Variants in EYA2 observed in about 807,000 individuals in gnomAD.
EYA2 encodes the protein EYA transcriptional coactivator and phosphatase 2.
In EYA2, 31 loss-of-function variants were observed where a neutral mutation model predicts 69.2. The ratio of observed to expected loss-of-function variants is 0.45; its 90% confidence interval spans 0.34 to 0.60. The LOEUF (loss-of-function observed/expected upper bound fraction) is 0.60, where lower values mean the gene tolerates loss of function less well. Ranked by LOEUF, EYA2 falls within the 20% of genes least tolerant of loss-of-function variation. The pLI is 0.02. For synonymous variants in EYA2, 257 were observed against 279.4 expected (o/e 0.92, Z 0.80); for missense variants, 622 against 701.2 (o/e 0.89, Z 1.28).
At chr20:47,117,072 G>A (rs1208070747) in intron 9 of EYA2, among the ~76,000 whole-genome samples, 1 of 149,590 alleles carries the variant, frequency 6.7e-6, no homozygotes, top group African/African-American at 2.5e-5. Context: ...TGGTGTAGTG[G>A]TGCGATCTCG....
chr20:46,968,974 G>C (rs1979961748), intron 1 of EYA2, among the ~76,000 whole-genome samples: 1 of 152,202 alleles, frequency 6.6e-6, no homozygotes, highest in African/African-American at 2.4e-5. Context: ...ATGGAAAGCA[G>C]CTAACAGTGC....
At chr20:46,902,761 G>A (rs954615492) in intron 1 of EYA2, among the ~76,000 whole-genome samples, 3 of 152,278 alleles carry the variant, frequency 2.0e-5, no homozygotes, top group Admixed American at 2.0e-4. Flanking sequence ...TTTCAAGCTG[G>A]ACCTATGGAA....
intron 8 of EYA2, among the ~76,000 whole-genome samples, chr20:47,094,774 A>G (rs538183554): frequency 3.3e-5 from 5 of 152,382 alleles, no homozygotes; most frequent in Admixed American, 6.5e-5. Context: ...GTGGCTCACC[A>G]TGCCAGCACT....
At chr20:47,148,491 T>A (rs2033754552) in intron 10 of EYA2, among the ~76,000 whole-genome samples, 1 of 152,172 alleles carries the variant, frequency 6.6e-6, no homozygotes, top group African/African-American at 2.4e-5. Flanking sequence ...AAACTATAAC[T>A]AGCTTGCCGA....
intron 5 of EYA2, among the ~76,000 whole-genome samples, chr20:47,031,548 G>C (rs1984417516): frequency 6.6e-6 from 1 of 152,204 alleles, no homozygotes; most frequent in African/African-American, 2.4e-5. Context: ...AAGTGTACCT[G>C]TGACAATGCC....
intron 9 of EYA2, among the ~76,000 whole-genome samples, chr20:47,135,818 C>CGAAAAAAAAAAAA (rs2033449844): frequency 3.0e-5 from 1 of 33,264 alleles, no homozygotes; most frequent in Non-Finnish European, 5.5e-5. Flanking sequence ...CCTGTCTCTA[C>CGAAAAAAAAAAAA]AAAAAAAAAA....
chr20:46,914,146 G>A (rs192782011), intron 1 of EYA2, among the ~76,000 whole-genome samples: 7 of 152,294 alleles, frequency 4.6e-5, no homozygotes, highest in East Asian at 1.9e-4. Context: ...GCTGTCCAGC[G>A]GTTAACGCTG....
chr20:47,037,842 A>T (rs1984808978), intron 5 of EYA2, among the ~76,000 whole-genome samples: 1 of 151,946 alleles, frequency 6.6e-6, no homozygotes, highest in Non-Finnish European at 1.5e-5. Flanking sequence ...TCCATCTGAA[A>T]CCCTAATTTC....
At chr20:47,018,595 T>TGGGCC (rs1039945285) in intron 5 of EYA2, among the ~76,000 whole-genome samples, 10 of 152,306 alleles carry the variant, frequency 6.6e-5, no homozygotes, top group African/African-American at 2.2e-4. Flanking sequence ...GGGCCAGAGC[T>TGGGCC]GGGCCGGGCC....
At chr20:47,065,450 T>C (rs960203740) in intron 5 of EYA2, among the ~76,000 whole-genome samples, 1 of 151,782 alleles carries the variant, frequency 6.6e-6, no homozygotes, top group Non-Finnish European at 1.5e-5. Flanking sequence ...AAAACAGATA[T>C]ACAGTCTAAC....
chr20:47,077,436 GTCT>G lies in EYA2; in HGVS notation c.661+3106_661+3108del, dbSNP rs541437891. On this transcript the variant is annotated intron_variant, in intron 7 of 15. Transcript: ENST00000327619. ...AGATATCACTGAGTTTCGTTCCTTT[GTCT>G]TCTTTTCTGAAACCTACTGATGCTG... is the stretch of plus-strand genomic sequence containing the variant. Among the ~76,000 whole-genome samples the G allele has an allele frequency of 1.1e-3, 171 of 152,284 alleles. 2 individuals are homozygous for G. The highest frequency in any genetic ancestry group is 4.1e-3 in the African/African-American group (170 of 41,552).
chr20:47,061,372 C>G (rs2030877138), intron 5 of EYA2, among the ~76,000 whole-genome samples: 1 of 152,022 alleles, frequency 6.6e-6, no homozygotes, highest in Admixed American at 6.6e-5. Context: ...ACAGAAAATA[C>G]AAGAAAACAT....
At chr20:47,183,609 G>A (rs1415201739) in intron 15 of EYA2, among the ~76,000 whole-genome samples, 1 of 152,122 alleles carries the variant, frequency 6.6e-6, no homozygotes. Context: ...TGCTGCCCCT[G>A]GTAGCCCTGG....
chr20:47,111,727 T>A (rs1005597670), intron 9 of EYA2, among the ~76,000 whole-genome samples: 3 of 152,092 alleles, frequency 2.0e-5, no homozygotes, highest in African/African-American at 7.2e-5. Context: ...CAGCCCAGAT[T>A]TAAACAGAGC....
chr20:47,008,013 G>A (rs7260707), intron 4 of EYA2, among the ~76,000 whole-genome samples: 12,268 of 152,146 alleles, frequency 0.081, 1,530 homozygotes, highest in African/African-American at 0.27. Flanking sequence ...GTTGGGAGAC[G>A]GATGAAGCCT....
rs144879076 is a variant in EYA2, at chr20:47,075,610, C to A, written c.661+1275C>A. On this transcript the variant is annotated intron_variant, in intron 7 of 15. Transcript: ENST00000327619. ...GGGCAGAGGCTTTCAAATGTTGATT[C>A]TTTGTCTAAGAGGGGTTCAAGTATA... Among the ~76,000 whole-genome samples the A allele has an allele frequency of 5.5e-3, 832 of 152,186 alleles. 9 individuals carry two copies. Among genetic ancestry groups the A allele is most frequent in the African/African-American group, 0.019 (794 of 41,540 alleles).
intron 1 of EYA2, among the ~76,000 whole-genome samples, chr20:46,907,871 G>T (rs1174975539): frequency 6.9e-6 from 1 of 145,668 alleles, no homozygotes; most frequent in Non-Finnish European, 1.6e-5. Context: ...AACAAAGTGT[G>T]CCTGGAGCGA....
chr20:46,964,204 G>A (rs563080321), intron 1 of EYA2, among the ~76,000 whole-genome samples: 4 of 152,324 alleles, frequency 2.6e-5, no homozygotes, highest in African/African-American at 7.2e-5. Context: ...GAAAGCCACT[G>A]TTTTTAGTCC....
chr20:46,898,899 T>C (rs553427208), intron 1 of EYA2, among the ~76,000 whole-genome samples: 1 of 152,368 alleles, frequency 6.6e-6, no homozygotes, highest in Non-Finnish European at 1.5e-5. Flanking sequence ...ATATTTCTTT[T>C]TGTTCATTTT....
Sources: gnomAD v4.1 joint callset for allele counts (sites outside exome capture counted in the v4.1 genomes callset) on GRCh38, gnomAD v4.1.1 for gene constraint, MANE v1.5 for transcripts, NCBI Gene and HGNC (gene_info 2026-07-23, HGNC 2026-07-21) for gene names.